The following DENND2B variants were observed in gnomAD, a reference collection of about 807,000 sequenced individuals.
DENND2B encodes the protein DENN domain-containing protein 2B.
In DENND2B, 32 loss-of-function variants were observed where a neutral mutation model predicts 116.0. That is an observed-to-expected ratio of 0.28 (90% confidence interval 0.21 to 0.37). DENND2B has a LOEUF of 0.37. Among genes scored for constraint, DENND2B ranks in the 10% least tolerant of loss-of-function variants. The probability of loss-of-function intolerance (pLI) is 1.00; values close to 1 mark genes in which losing one functional copy is unlikely to be tolerated. For missense variants in DENND2B, 1,276 were observed against 1,477.7 expected (o/e 0.86, Z 2.24); for synonymous variants, 588 against 583.9 (o/e 1.01, Z -0.10).
upstream of DENND2B, among the ~76,000 whole-genome samples, chr11:8,813,111 T>C (rs573217926): frequency 6.6e-6 from 1 of 152,312 alleles, no homozygotes; most frequent in Admixed American, 6.5e-5. Flanking sequence ...CAACATCCTA[T>C]GCAGAATCTA....
chr11:8,721,675 G>T (rs766414129), intron 4 of DENND2B, among the ~76,000 whole-genome samples: 1 of 152,174 alleles, frequency 6.6e-6, no homozygotes, highest in Non-Finnish European at 1.5e-5. Context: ...ACCATTTCTC[G>T]ACAGCCCCGG....
At chr11:8,718,307 T>C in intron 4 of DENND2B, 1 of 1,475,550 alleles carries the variant, frequency 6.8e-7, no homozygotes, top group Non-Finnish European at 9.2e-7. Flanking sequence ...GGTTTTCAGG[T>C]CACATGGCTG....
chr11:8,752,468 A>C (rs1188428454), intron 1 of DENND2B, among the ~76,000 whole-genome samples: 1 of 151,974 alleles, frequency 6.6e-6, no homozygotes, highest in Non-Finnish European at 1.5e-5. Flanking sequence ...AAAAGAGAGA[A>C]AAAAACTTAA....
intron 1 of DENND2B, among the ~76,000 whole-genome samples, chr11:8,887,932 C>T (rs747512394): frequency 1.3e-5 from 2 of 152,010 alleles, no homozygotes; most frequent in Admixed American, 6.6e-5. Flanking sequence ...TCTTAGCCTT[C>T]GTTACTACTG....
At chr11:8,831,272 C>T (rs1159103344) in intron 4 of DENND2B, among the ~76,000 whole-genome samples, 1 of 152,146 alleles carries the variant, frequency 6.6e-6, no homozygotes, top group Non-Finnish European at 1.5e-5. Flanking sequence ...GTCAGGAGAT[C>T]GGCCCAATTC....
At chr11:8,695,374 G>C (rs1270638023) in intron 19 of DENND2B, 89 bp downstream of exon 19, 6 of 1,209,768 alleles carry the variant, frequency 5.0e-6, no homozygotes, top group Non-Finnish European at 7.3e-6. Context: ...AACACCTGTT[G>C]ACATTGATTT....
chr11:8,745,351 G>A (rs77533017), intron 2 of DENND2B, among the ~76,000 whole-genome samples: 44 of 152,102 alleles, frequency 2.9e-4, no homozygotes, highest in Admixed American at 2.4e-3. Flanking sequence ...CACCGCACCC[G>A]GCCCTATCTG....
At chr11:8,845,883 A>C (rs772855125) in intron 3 of DENND2B, among the ~76,000 whole-genome samples, 1 of 152,206 alleles carries the variant, frequency 6.6e-6, no homozygotes, top group Non-Finnish European at 1.5e-5. Context: ...GACTGAAGAC[A>C]GCCTAAATGT....
intron 1 of DENND2B, among the ~76,000 whole-genome samples, chr11:8,885,793 C>A (rs1488437072): frequency 6.6e-6 from 1 of 151,998 alleles, no homozygotes; most frequent in Non-Finnish European, 1.5e-5. Context: ...GTGGTGGGTT[C>A]TTTTTCATAG....
At chr11:8,848,500 G>T (rs2134638057) in intron 3 of DENND2B, among the ~76,000 whole-genome samples, 1 of 152,206 alleles carries the variant, frequency 6.6e-6, no homozygotes, top group Admixed American at 6.5e-5. Context: ...AGACAACTGA[G>T]GACATTTAAA....
intron 3 of DENND2B, among the ~76,000 whole-genome samples, chr11:8,848,005 T>C (rs1031418229): frequency 5.3e-5 from 8 of 152,080 alleles, no homozygotes; most frequent in Non-Finnish European, 8.8e-5. Context: ...ACAAAAGATG[T>C]ACAAAATCAT....
intron 18 of DENND2B, 152 bp from the exon 19 acceptor site, chr11:8,695,701 G>T: frequency 1.5e-6 from 1 of 679,204 alleles, no homozygotes; most frequent in Non-Finnish European, 2.5e-6. Context: ...ACTAGAATTC[G>T]GGCTGGCTCA....
At chr11:8,821,854 A>G (rs1231777265) in intron 4 of DENND2B, among the ~76,000 whole-genome samples, 1 of 152,052 alleles carries the variant, frequency 6.6e-6, no homozygotes, top group East Asian at 1.9e-4. Context: ...TGGAGTGGCA[A>G]GATCTTGGCT....
intron 1 of DENND2B, among the ~76,000 whole-genome samples, chr11:8,796,731 AG>A (rs1161363947): frequency 1.3e-5 from 2 of 152,318 alleles, no homozygotes; most frequent in Non-Finnish European, 2.9e-5. Context: ...TTTTTCCAAA[AG>A]TAAATTCCAT....
intron 2 of DENND2B, among the ~76,000 whole-genome samples, chr11:8,867,193 T>A (rs1405011402): frequency 6.6e-6 from 1 of 152,128 alleles, no homozygotes; most frequent in Non-Finnish European, 1.5e-5. Context: ...AAATCCAGAT[T>A]GTATTCAAAG....
At position 8,699,261 on chromosome 11, in the gene DENND2B, G is replaced by A. The variant is rs1185138717; in HGVS notation, c.2850C>T (p.Gly950=). The A allele has an allele frequency of 1.9e-6, 3 of 1,594,610 alleles. No homozygotes were observed. Residue 950 remains glycine (G), a synonymous_variant, in exon 15 of 20, where the codon GGC becomes GGT. Coordinates refer to ENST00000313726, the MANE Select transcript of DENND2B (RefSeq NM_213618.2). Reference sequence around the variant, plus strand: ...GTTTGGGGAGGGAGCTGGAGAGCAGGCCAACCAGGAAGGGGGTGGGACAGC... The same window carrying A: ...GTTTGGGGAGGGAGCTGGAGAGCAGACCAACCAGGAAGGGGGTGGGACAGC... The part of the protein sequence containing the change: ...IVCCPTPFLV[G]LLSSSLPKLK...
chr11:8,730,944 C>T lies in DENND2B; in HGVS notation c.346G>A (p.Glu116Lys), dbSNP rs779094033. The change falls in exon 3 of 20, where the codon GAA becomes AAA. Residue 116 changes from glutamate (E) to lysine (K), a missense_variant. Around this residue, in one of 2 missense-constraint regions of DENND2B, gnomAD observed 856 missense variants for 846.6 expected, o/e 1.01. Transcript: ENST00000313726. This position sits in a 1 kb window ranked among gnomAD's most constrained non-coding sequence, Gnocchi z 4.1. Reference sequence around the variant, plus strand: ...TCCTGGGCTGCGCCTTGGACACTTTCCTTTTGGGCGTCTCTCTTGCACGCC... The same window carrying T: ...TCCTGGGCTGCGCCTTGGACACTTTTCTTTTGGGCGTCTCTCTTGCACGCC... The part of the protein sequence containing the change: ...PSACKRDAQK[E>K]SVQGAAQDVA... 4 of 1,614,126 alleles carry T rather than the reference C, an allele frequency of 2.5e-6. No homozygotes were observed. The African/African-American group carries it at 5.3e-5, about 22-fold the overall frequency.
chr11:8,750,801 T>A, intron 1 of DENND2B, 76 bp from the exon 2 acceptor site: 1 of 1,360,988 alleles, frequency 7.3e-7, no homozygotes, highest in South Asian at 1.2e-5. Context: ...CCAGATGACC[T>A]CCAAAAGTGC....
rs374739269 is a variant in DENND2B, at chr11:8,707,237, G to A, written c.2431-12C>T. 43 of 1,604,956 alleles carry A rather than the reference G, an allele frequency of 2.7e-5. No individual in the cohort carries two copies. Among genetic ancestry groups the A allele is most frequent in the African/African-American group, 1.5e-4 (11 of 74,738 alleles). On this transcript the variant is annotated splice_polypyrimidine_tract_variant and intron_variant, in intron 12 of 19. Coordinates refer to ENST00000313726, the MANE Select transcript of DENND2B (RefSeq NM_213618.2). This position sits in a 1 kb window ranked among gnomAD's most constrained non-coding sequence, Gnocchi z 4.8. ...ACCTCATCTAGGACCTGTGCCCACC[G>A]CCAGCAGCCCAAAGAGGAAGGGTGT...
Sources: gnomAD v4.1 joint callset for allele counts (sites outside exome capture counted in the v4.1 genomes callset) on GRCh38, gnomAD v4.1.1 for gene constraint, gnomAD v4.1.1 regional missense constraint, Gnocchi (gnomAD v3.1) non-coding constraint, MANE v1.5 for transcripts, NCBI Gene and HGNC (gene_info 2026-07-23, HGNC 2026-07-21) for gene names.